REPS1: variants seen among roughly 807,000 people sequenced by gnomAD.
REPS1 encodes the protein RALBP1 associated Eps domain containing 1.
In REPS1, 39 loss-of-function variants were observed where a neutral mutation model predicts 100.9. That is an observed-to-expected ratio of 0.39 (90% CI 0.30 to 0.50). The LOEUF is 0.50. REPS1 is among the 20% of genes least tolerant of loss of function. The probability of loss-of-function intolerance (pLI) is 0.86; values close to 1 mark genes in which losing one functional copy is unlikely to be tolerated. For missense variants in REPS1, 821 were observed against 968.5 expected, an observed-to-expected ratio of 0.85 and a Z score of 2.02; for synonymous variants, 324 against 340.3, an observed-to-expected ratio of 0.95 and a Z score of 0.53.
intron 2 of REPS1, among the ~76,000 whole-genome samples, chr6:138,946,195 T>G (rs1344921842): frequency 6.6e-6 from 1 of 152,194 alleles, no homozygotes; most frequent in East Asian, 1.9e-4. Flanking sequence ...AATATGTCAC[T>G]AAGTCTGAGA....
intron 8 of REPS1, among the ~76,000 whole-genome samples, chr6:138,935,609 GGAATGGAAGAC>G (rs1169961649): frequency 1.3e-5 from 2 of 152,162 alleles, no homozygotes; most frequent in East Asian, 3.9e-4. Flanking sequence ...CAACACTTTG[GGAATGGAAGAC>G]CGAGGCAGGC....
chr6:138,930,154 G>A, intron 8 of REPS1, 56 bp from the exon 9 acceptor site: 2 of 1,476,246 alleles, frequency 1.4e-6, no homozygotes, highest in Non-Finnish European at 1.9e-6. Context: ...GTTTATTTTA[G>A]GCATATTTAC....
chr6:138,983,309 G>A (rs777431458), intron 1 of REPS1, among the ~76,000 whole-genome samples: 18 of 152,030 alleles, frequency 1.2e-4, no homozygotes, highest in Non-Finnish European at 1.0e-4. Flanking sequence ...AAAATTAGCC[G>A]AGTGTGGTGG....
chr6:138,921,867 G>A (rs987077435), intron 10 of REPS1, among the ~76,000 whole-genome samples: 3 of 152,014 alleles, frequency 2.0e-5, no homozygotes, highest in Non-Finnish European at 4.4e-5. Flanking sequence ...GAGCCACTGC[G>A]CCCGGCCAGG....
chr6:138,907,312 AAGTGTGTGT>A, intron 19 of REPS1, 174 bp downstream of exon 19: 6 of 105,674 alleles, frequency 5.7e-5, no homozygotes, highest in South Asian at 1.6e-4. Flanking sequence ...AAAAAAAAAA[AAGTGTGTGT>A]GTGTGTGTGT....
chr6:138,935,592 G>A (rs1781754108), intron 8 of REPS1, among the ~76,000 whole-genome samples: 1 of 152,052 alleles, frequency 6.6e-6, no homozygotes, highest in Non-Finnish European at 1.5e-5. Flanking sequence ...GCTCATGCCT[G>A]TAATCCCAAC....
chr6:138,926,521 A>G (rs769993627), intron 9 of REPS1, 40 bp from the exon 10 acceptor site: 1 of 1,394,514 alleles, frequency 7.2e-7, no homozygotes, highest in South Asian at 1.2e-5. Context: ...ATGATGAGAA[A>G]GATGGAGTAA....
At chr6:138,921,332 A>T (rs573095823) in intron 10 of REPS1, among the ~76,000 whole-genome samples, 13 of 135,702 alleles carry the variant, frequency 9.6e-5, no homozygotes, top group Admixed American at 1.4e-4. Context: ...CTGCTTAATT[A>T]AAAAAAAAAA....
chr6:138,984,778 T>A (rs1785161138), intron 1 of REPS1, among the ~76,000 whole-genome samples: 1 of 152,188 alleles, frequency 6.6e-6, no homozygotes, highest in Non-Finnish European at 1.5e-5. Flanking sequence ...TTCTCTTAAA[T>A]CTACCACTCC....
chr6:138,917,423 CTT>C (rs1184754970), intron 13 of REPS1, 130 bp downstream of exon 13: 2 of 668,612 alleles, frequency 3.0e-6, no homozygotes, highest in Non-Finnish European at 5.0e-6. Context: ...AATTACTTGT[CTT>C]TTACATAAAT....
intron 10 of REPS1, among the ~76,000 whole-genome samples, chr6:138,922,225 T>C (rs993716031): frequency 6.6e-6 from 1 of 152,150 alleles, no homozygotes; most frequent in Admixed American, 6.5e-5. Context: ...GTTAATGAGA[T>C]GCCTATGACA....
At chr6:138,980,519 T>G (rs946624727) in intron 1 of REPS1, among the ~76,000 whole-genome samples, 1 of 151,732 alleles carries the variant, frequency 6.6e-6, no homozygotes, top group Non-Finnish European at 1.5e-5. Flanking sequence ...CAGTTCTCTC[T>G]ATATGAAACA....
chr6:138,937,320 G>T (rs1000479052), intron 8 of REPS1, among the ~76,000 whole-genome samples: 3 of 152,090 alleles, frequency 2.0e-5, no homozygotes, highest in Non-Finnish European at 2.9e-5. Context: ...AAACAATGAA[G>T]GATGTATAGT....
At chr6:138,926,962 A>ATGAT in intron 9 of REPS1, 1 of 155,570 alleles carries the variant, frequency 6.4e-6, no homozygotes, top group East Asian at 1.9e-4. Context: ...CCCCTGAAAG[A>ATGAT]TGATTCTATT....
At chr6:138,911,149 G>C in intron 17 of REPS1, 127 bp downstream of exon 17, 2 of 645,558 alleles carry the variant, frequency 3.1e-6, no homozygotes, top group Non-Finnish European at 5.5e-6. Flanking sequence ...TTCTGAGCTA[G>C]ACTGACTATA....
At chr6:138,973,699 C>A (rs1035223301) in intron 1 of REPS1, among the ~76,000 whole-genome samples, 2 of 151,762 alleles carry the variant, frequency 1.3e-5, no homozygotes, top group Non-Finnish European at 2.9e-5. Context: ...AGTTACTTAT[C>A]CTCTGTGTCA....
At chr6:138,959,381 CA>C (rs1783595456) in intron 1 of REPS1, among the ~76,000 whole-genome samples, 1 of 152,076 alleles carries the variant, frequency 6.6e-6, no homozygotes, top group Non-Finnish European at 1.5e-5. Flanking sequence ...CAAAAAAACT[CA>C]AAAGACACAA....
Position 138,945,604 on chromosome 6 carries a change from C to A in REPS1, c.371G>T (p.Gly124Val). ...TGGGGGAATTACACCAGAATACGACCCTTGATTTTCAGAATCTGAAGAATA... is the reference window on the plus strand; with the variant it reads ...TGGGGGAATTACACCAGAATACGACACTTGATTTTCAGAATCTGAAGAATA... ...ASYSSDSENQ[G>V]SYSGVIPPPP... The change falls in exon 3 of 20, where the codon GGG (glycine) becomes GTG (valine). Residue 124 changes from glycine (G) to valine (V), a missense_variant. Transcript: ENST00000450536. 6.2e-7 allele frequency: 1 copy of A among 1,613,578 alleles called. No homozygotes were observed.
At chr6:138,978,939 T>TTGGA (rs1200319776) in intron 1 of REPS1, among the ~76,000 whole-genome samples, 1 of 151,936 alleles carries the variant, frequency 6.6e-6, no homozygotes, top group Non-Finnish European at 1.5e-5. Context: ...TCCCAGCACT[T>TTGGA]TGGGAGGCCA....
Sources: gnomAD v4.1 joint callset for allele counts (sites outside exome capture counted in the v4.1 genomes callset) on GRCh38, gnomAD v4.1.1 for gene constraint, MANE v1.5 for transcripts, NCBI Gene and HGNC (gene_info 2026-07-23, HGNC 2026-07-21) for gene names.